TNC: variants seen among roughly 807,000 people sequenced by gnomAD.
TNC encodes tenascin C.
In TNC, 109 loss-of-function variants were observed where a neutral mutation model predicts 202.4. The observed-to-expected ratio is 0.54, with a 90% CI of 0.46 to 0.63. The LOEUF is 0.63. Among genes scored for constraint, TNC ranks in the 30% least tolerant of loss-of-function variants. TNC has a pLI of 0.00. For missense variants in TNC, 2,756 were observed against 2,833.3 expected (o/e 0.97, Z 0.62); for synonymous variants, 1,007 against 1,089.7 (o/e 0.92, Z 1.50).
At chr9:115,101,549 A>G (rs1350365739) in intron 1 of TNC, among the ~76,000 whole-genome samples, 1 of 152,180 alleles carries the variant, frequency 6.6e-6, no homozygotes, top group Non-Finnish European at 1.5e-5. Context: ...TTGATTTAGT[A>G]TTTGTGATAT....
At chr9:115,051,137 T>C (rs1461363313) in intron 15 of TNC, among the ~76,000 whole-genome samples, 2 of 152,156 alleles carry the variant, frequency 1.3e-5, no homozygotes, top group Non-Finnish European at 2.9e-5. Flanking sequence ...TTTAGTAAAC[T>C]GACACCATGT....
intron 2 of TNC, among the ~76,000 whole-genome samples, chr9:115,088,759 C>T (rs1339636143): frequency 6.6e-6 from 1 of 151,402 alleles, no homozygotes; most frequent in African/African-American, 2.4e-5. Flanking sequence ...TATGGTGGCC[C>T]TTGGCCACAT....
chr9:115,081,675 G>C (rs1834313416), intron 6 of TNC, 97 bp downstream of exon 6: 1 of 1,309,542 alleles, frequency 7.6e-7, no homozygotes, highest in Admixed American at 2.0e-5. Flanking sequence ...AAAGTTAAAT[G>C]ATGTAGATGC....
Position 115,038,394 on chromosome 9 carries a change from T to C in TNC, c.5393-14A>G, listed in dbSNP as rs2131875314. The C allele has an allele frequency of 6.2e-7, 1 of 1,613,394 alleles. No individual in the cohort carries two copies. The stretch of plus-strand genomic sequence containing the variant: ...GGCCATCCAGAGCTGCAAAGAAAGA[T>C]GGTGGACAGGAGGGAAGTCATTGGG... On this transcript the variant is annotated splice_polypyrimidine_tract_variant and intron_variant, in intron 19 of 27. Coordinates refer to ENST00000350763, the MANE Select transcript of TNC (RefSeq NM_002160.4).
chr9:115,046,771 T>C (rs1226510039), intron 16 of TNC, 89 bp from the exon 17 acceptor site: 3 of 1,436,062 alleles, frequency 2.1e-6, no homozygotes, highest in Non-Finnish European at 2.9e-6. Flanking sequence ...GGTATCAATA[T>C]GTAGTGATGC....
chr9:115,084,270 G>T lies in TNC; in HGVS notation c.2070C>A (p.Ile690=), dbSNP rs143158837. ...TGTTCTCCAGGATGGCAAATACACG[G>T]ATAAAGTACTCCACACCAGGCTCCA... ...QELEPGVEYF[I]RVFAILENKK... is the part of the protein sequence containing the mutation. The change falls in exon 4 of 28, where the codon ATC becomes ATA. Residue 690 remains isoleucine (I), a synonymous_variant. Transcript: ENST00000350763. 1.2e-5 allele frequency: 19 copies of T among 1,614,046 alleles called. No individual in the cohort carries two copies. Among genetic ancestry groups the T allele is most frequent in the Non-Finnish European group, 1.6e-5 (19 of 1,180,046 alleles).
intron 12 of TNC, among the ~76,000 whole-genome samples, 153 bp downstream of exon 12, chr9:115,063,643 A>AG (rs1832717547): frequency 2.0e-5 from 3 of 152,198 alleles, no homozygotes; most frequent in Non-Finnish European, 1.5e-5. Flanking sequence ...TAGCCAAATA[A>AG]GGGATGTGAC....
At chr9:115,063,681 T>C in intron 12 of TNC, 115 bp downstream of exon 12, 2 of 1,145,690 alleles carry the variant, frequency 1.7e-6, no homozygotes, top group African/African-American at 1.5e-5. Flanking sequence ...GATGATTCAC[T>C]GGTATTTCCC....
At chr9:115,108,799 A>T (rs1229727732) in intron 1 of TNC, among the ~76,000 whole-genome samples, 5 of 152,192 alleles carry the variant, frequency 3.3e-5, no homozygotes, top group African/African-American at 1.2e-4. Flanking sequence ...TTATTAAAAG[A>T]GACCCCATAG....
At chr9:115,074,359 T>G (rs1057077693) in intron 9 of TNC, among the ~76,000 whole-genome samples, 1 of 152,200 alleles carries the variant, frequency 6.6e-6, no homozygotes, top group Non-Finnish European at 1.5e-5. Flanking sequence ...GGTGCCCTTA[T>G]AAAAGAGACC....
chr9:115,021,776 T>C (rs899790187), intron 27 of TNC, among the ~76,000 whole-genome samples: 2 of 152,186 alleles, frequency 1.3e-5, no homozygotes, highest in African/African-American at 4.8e-5. Flanking sequence ...TAAATATCAG[T>C]GTTCTTACTT....
chr9:115,103,269 C>G (rs1836369255), intron 1 of TNC, among the ~76,000 whole-genome samples: 1 of 152,166 alleles, frequency 6.6e-6, no homozygotes, highest in Non-Finnish European at 1.5e-5. Context: ...ATTGGCCAGG[C>G]CTAAGATGCA....
Position 115,086,638 on chromosome 9 carries a change from C to A in TNC, c.1093G>T (p.Glu365Ter). 6.2e-7 allele frequency: 1 copy of A among 1,614,204 alleles called. No homozygotes were observed. Among genetic ancestry groups the A allele is most frequent in the Non-Finnish European group, 8.5e-7 (1 of 1,180,040 alleles). ...CTGCAGTCCACACCGGCAAAGCCCT[C>A]ATCACATACACACTGCCCCTCCTCA... ...RCEEGQCVCD[E>*]GFAGVDCSEK... The change falls in exon 3 of 28, where the codon GAG (glutamate) becomes TAG (stop). Residue 365 changes from glutamate to a stop codon, truncating the protein, a stop_gained. Transcript: ENST00000350763. LOFTEE classifies it high-confidence loss of function.
At position 115,020,955 on chromosome 9, in the gene TNC, G is replaced by T; in HGVS notation, c.*202C>A. 1 of 544,338 alleles carries T rather than the reference G, an allele frequency of 1.8e-6. No homozygotes were observed. Among genetic ancestry groups the T allele is most frequent in the East Asian group, 3.0e-5 (1 of 33,662 alleles). 33.7% of individuals were successfully genotyped at this position (544,338 alleles called of 1,614,324 possible). On this transcript the variant is annotated 3_prime_UTR_variant, in exon 28 of 28. Coordinates refer to ENST00000350763, the MANE Select transcript of TNC (RefSeq NM_002160.4). ...ACAAAACAGAAACATGTTGGAGACTGATGTCTTTGGTGCAAAGAAAGAAAT... is the reference window on the plus strand; with the variant it reads ...ACAAAACAGAAACATGTTGGAGACTTATGTCTTTGGTGCAAAGAAAGAAAT...
intron 14 of TNC, among the ~76,000 whole-genome samples, chr9:115,057,634 T>C (rs1832237244): frequency 6.6e-6 from 1 of 152,244 alleles, no homozygotes; most frequent in African/African-American, 2.4e-5. Context: ...AAGGAAGGTA[T>C]GGCAATTAGA....
chr9:115,074,918 C>T (rs371901846), intron 9 of TNC, among the ~76,000 whole-genome samples: 98 of 152,218 alleles, frequency 6.4e-4, no homozygotes, highest in African/African-American at 2.1e-3. Context: ...AAGACGCTAC[C>T]CTTGGGGGAA....
At chr9:115,067,305 C>T (rs571242934) in intron 10 of TNC, among the ~76,000 whole-genome samples, 1 of 152,138 alleles carries the variant, frequency 6.6e-6, no homozygotes, top group South Asian at 2.1e-4. Context: ...TTAAATCAAC[C>T]CTATGTCTTC....
intron 24 of TNC, 137 bp from the exon 25 acceptor site, chr9:115,029,593 T>A: frequency 1.2e-6 from 1 of 838,370 alleles, no homozygotes. Context: ...TATGTAACTT[T>A]GGGTGGTCAC....
chr9:115,048,529 G>T lies in TNC; in HGVS notation c.4583C>A (p.Ala1528Asp), dbSNP rs772299258. Residue 1528 changes from alanine to aspartate, a missense_variant, in exon 16 of 28, where the codon GCC (alanine) becomes GAC (aspartate). Ala to Asp is a moderately radical substitution (Grantham distance 126, BLOSUM62 -2). Coordinates refer to ENST00000350763, the MANE Select transcript of TNC (RefSeq NM_002160.4). Reference sequence around the variant, plus strand: ...GGTTAGGTTTTCCAGAAGGGGCAGGGCCTCTGAAAGAAGGGAGGAGTGAAA... The same window carrying T: ...GGTTAGGTTTTCCAGAAGGGGCAGGTCCTCTGAAAGAAGGGAGGAGTGAAA... Reference protein sequence around the residue: ...KTISATATTEALPLLENLTIS... With the variant: ...KTISATATTEDLPLLENLTIS... 6.2e-7 allele frequency: 1 copy of T among 1,609,970 alleles called. No individual in the cohort carries two copies. The highest frequency in any genetic ancestry group is 8.5e-7 in the Non-Finnish European group (1 of 1,178,464).
Sources: allele counts gnomAD v4.1 joint callset (sites outside exome capture counted in the v4.1 genomes callset), GRCh38; gene constraint gnomAD v4.1.1; transcripts MANE v1.5; gene names NCBI Gene and HGNC (gene_info 2026-07-23, HGNC 2026-07-21).